Variants in YEATS4 observed in about 807,000 individuals in gnomAD.
The protein encoded by YEATS4 is YEATS domain-containing protein 4.
In YEATS4, 17 loss-of-function variants were observed where a neutral mutation model predicts 30.1. The observed-to-expected ratio is 0.56, with a 90% CI of 0.39 to 0.85. YEATS4 has a LOEUF of 0.85. Ranked by LOEUF, YEATS4 falls within the 40% of genes least tolerant of loss-of-function variation. The probability of loss-of-function intolerance (pLI) is 0.00; values close to 1 mark genes in which losing one functional copy is unlikely to be tolerated. For synonymous variants in YEATS4, 85 were observed against 87.5 expected (o/e 0.97, Z 0.16); for missense variants, 142 against 268.3 (o/e 0.53, Z 3.29).
At chr12:69,417,936 T>C in the YEATS4 span, among the ~76,000 whole-genome samples, 1 of 152,048 alleles carries the variant, frequency 6.6e-6, no homozygotes, top group Non-Finnish European at 1.5e-5. Flanking sequence ...GGAAATCTTT[T>C]CTCACACAGA....
chr12:69,422,630 C>CAAAAAAAAAAAAAAAAAAAAAA, the YEATS4 span: 2 of 40,484 alleles, frequency 4.9e-5, no homozygotes, highest in Non-Finnish European at 9.3e-5. Context: ...GACCCTGTCT[C>CAAAAAAAAAAAAAAAAAAAAAA]AAAAAAAAAA....
At chr12:69,420,276 AG>A in the YEATS4 span, among the ~76,000 whole-genome samples, 1 of 152,190 alleles carries the variant, frequency 6.6e-6, no homozygotes, top group African/African-American at 2.4e-5. Flanking sequence ...CAGGGAGACC[AG>A]GTGGGAAGCT....
chr12:69,371,070 A>T (rs315138), intron 6 of YEATS4, 95 bp downstream of exon 6: 602,645 of 1,232,562 alleles, frequency 0.49, 148,820 homozygotes, highest in Non-Finnish European at 0.51. Context: ...AAAAAAATGA[A>T]ATAGGTAAGT....
intron 1 of YEATS4, among the ~76,000 whole-genome samples, chr12:69,360,762 G>A (rs1423735396): frequency 6.6e-6 from 1 of 150,518 alleles, no homozygotes; most frequent in Non-Finnish European, 1.5e-5. Flanking sequence ...GCCTCCCAAA[G>A]TGCTGGGATT....
chr12:69,398,320 C>A, the YEATS4 span, among the ~76,000 whole-genome samples: 4,019 of 150,444 alleles, frequency 0.027, 159 homozygotes, highest in African/African-American at 0.088. Context: ...CACACACACA[C>A]ACAAAAAAAC....
At chr12:69,361,273 TG>T (rs1875195977) in intron 1 of YEATS4, 1 of 148,558 alleles carries the variant, frequency 6.7e-6, no homozygotes, top group Non-Finnish European at 1.5e-5. Context: ...GTGTGTGTTT[TG>T]TTTTGTTTTT....
chr12:69,384,901 T>A (rs988599132), intron 6 of YEATS4, among the ~76,000 whole-genome samples: 12 of 152,262 alleles, frequency 7.9e-5, no homozygotes, highest in Non-Finnish European at 1.8e-4. Flanking sequence ...ACAGATAGAA[T>A]AAGAGATCAC....
chr12:69,373,984 ATG>A (rs1875743305), intron 6 of YEATS4, among the ~76,000 whole-genome samples: 1 of 152,098 alleles, frequency 6.6e-6, no homozygotes, highest in African/African-American at 2.4e-5. Context: ...CCGTTGGTTT[ATG>A]TGTCTCTTTT....
the YEATS4 span, among the ~76,000 whole-genome samples, chr12:69,421,140 G>T: frequency 6.6e-6 from 1 of 152,052 alleles, no homozygotes; most frequent in Non-Finnish European, 1.5e-5. Context: ...TTACATCTGT[G>T]AGCCACAGCA....
the YEATS4 span, among the ~76,000 whole-genome samples, chr12:69,421,061 T>C: frequency 6.6e-6 from 1 of 152,224 alleles, no homozygotes; most frequent in African/African-American, 2.4e-5. Flanking sequence ...TCTCGCTATG[T>C]TGCCCAGGTT....
At chr12:69,406,658 AT>A in the YEATS4 span, among the ~76,000 whole-genome samples, 4 of 151,976 alleles carry the variant, frequency 2.6e-5, no homozygotes, top group Middle Eastern at 3.4e-3. Context: ...AACTGGTTTT[AT>A]TTTTTGCTTT....
At position 69,379,583 on chromosome 12, in the gene YEATS4, A is replaced by ATT. The variant is rs61048163; in HGVS notation, c.514+8644_514+8645dup. 6.5e-3 allele frequency among the ~76,000 whole-genome samples: 472 copies of ATT among 72,266 alleles called. 35 individuals are homozygous for ATT. Among genetic ancestry groups the ATT allele is most frequent in the Non-Finnish European group, 9.3e-3 (363 of 39,096 alleles). 47.4% of individuals were successfully genotyped at this position (72,266 alleles called of 152,430 possible). ...CACATGCCACCACTATGCCCAGCTA[A>ATT]TTTTTTTTTTTTTTTTTTTTTTTTT... On this transcript the variant is annotated intron_variant, in intron 6 of 6. Coordinates refer to ENST00000247843, the MANE Select transcript of YEATS4 (RefSeq NM_006530.4).
In YEATS4 at chr12:69,359,871, C is replaced by T; in HGVS notation, c.-102C>T. 6.9e-7 allele frequency: 1 copy of T among 1,456,458 alleles called. No homozygotes were observed. Among genetic ancestry groups the T allele is most frequent in the Non-Finnish European group, 9.4e-7 (1 of 1,064,372 alleles). The allele number at this position is 1,456,458 out of a possible 1,614,324, so 90.2% of individuals were successfully genotyped here. On this transcript the variant is annotated 5_prime_UTR_variant, in exon 1 of 7. Coordinates refer to ENST00000247843, the MANE Select transcript of YEATS4 (RefSeq NM_006530.4). ...CGCCCTCCTTCGGCTAGAAACCCTCCGCCTGGGCCCGCGCGACAGGAGCGC... is the reference window on the plus strand; with the variant it reads ...CGCCCTCCTTCGGCTAGAAACCCTCTGCCTGGGCCCGCGCGACAGGAGCGC...
intron 4 of YEATS4, among the ~76,000 whole-genome samples, chr12:69,367,934 C>T (rs541591965): frequency 1.2e-4 from 19 of 152,244 alleles, no homozygotes; most frequent in Non-Finnish European, 2.1e-4. Context: ...TACCCCTTAT[C>T]CCCAGTTGGA....
the YEATS4 span, among the ~76,000 whole-genome samples, chr12:69,426,853 G>A: frequency 6.6e-6 from 1 of 152,160 alleles, no homozygotes; most frequent in African/African-American, 2.4e-5. Context: ...TAACTCCTAG[G>A]ATAAGCAAAC....
chr12:69,366,000 G>A lies in YEATS4; in HGVS notation c.333+116G>A, dbSNP rs140491789. The A allele has an allele frequency of 4.0e-4, 282 of 710,546 alleles. 2 individuals carry two copies. The East Asian group carries it at 0.01, about 26-fold the overall frequency. 44.0% of individuals were successfully genotyped at this position (710,546 alleles called of 1,614,324 possible). A position where few individuals can be genotyped will look rare whatever the true frequency, so the allele number is the denominator to read the frequency against. On this transcript the variant is annotated intron_variant, in intron 4 of 6. Transcript: ENST00000247843. ...GTGTTTTATGTAAATTTATGGCACA[G>A]TGTATCTTGCCATGAGTTAAGTTTT...
In YEATS4 at chr12:69,390,108, T is replaced by A. The variant is rs150067609; in HGVS notation, c.515-39T>A. The A allele has an allele frequency of 2.7e-6, 4 of 1,508,226 alleles. No homozygotes were observed. In the African/African-American group the frequency reaches 4.2e-5, roughly 16 times the overall value. The allele number at this position is 1,508,226 out of a possible 1,614,324, so 93.4% of individuals were successfully genotyped here. On this transcript the variant is annotated intron_variant, in intron 6 of 6. Coordinates refer to ENST00000247843, the MANE Select transcript of YEATS4 (RefSeq NM_006530.4). ...TACCCTGTCATATATCTTAAACATG[T>A]GAGAAAAATACTTTAGTAAAAGTAT...
the YEATS4 span, among the ~76,000 whole-genome samples, chr12:69,425,378 T>G: frequency 6.6e-6 from 1 of 152,190 alleles, no homozygotes; most frequent in Non-Finnish European, 1.5e-5. Context: ...GGGGCCTGAA[T>G]AACAATAAGG....
the YEATS4 span, among the ~76,000 whole-genome samples, chr12:69,407,459 T>A: frequency 7.6e-4 from 115 of 152,176 alleles, no homozygotes; most frequent in Middle Eastern, 0.014. Context: ...TGATCTAGAA[T>A]TCTTTTGTTT....
Sources: allele counts gnomAD v4.1 joint callset (sites outside exome capture counted in the v4.1 genomes callset), GRCh38; gene constraint gnomAD v4.1.1; transcripts MANE v1.5; gene names NCBI Gene and HGNC (gene_info 2026-07-23, HGNC 2026-07-21).